CXCL13: variants seen among roughly 807,000 people sequenced by gnomAD.
The protein encoded by CXCL13 is C-X-C motif chemokine ligand 13.
Under a neutral mutation model 12.2 loss-of-function variants are expected in CXCL13, and 7 were observed. The ratio of observed to expected loss-of-function variants is 0.57; its 90% CI spans 0.33 to 1.07. The LOEUF (loss-of-function observed/expected upper bound fraction) is 1.07, where lower values mean the gene tolerates loss of function less well. CXCL13 is among the 50% of genes least tolerant of loss of function. CXCL13 has a pLI of 0.04. For synonymous variants in CXCL13, 47 were observed against 42.4 expected (o/e 1.11, Z -0.42); for missense variants, 113 against 127.4 (o/e 0.89, Z 0.55).
intron 1 of CXCL13, among the ~76,000 whole-genome samples, chr4:77,561,465 T>C (rs931376071): frequency 6.6e-6 from 1 of 152,240 alleles, no homozygotes; most frequent in Non-Finnish European, 1.5e-5. Flanking sequence ...CCAACAGTCC[T>C]GAAGGTGCTA....
At chr4:77,597,540 C>T (rs147465989) in intron 1 of CXCL13, among the ~76,000 whole-genome samples, 10 of 152,146 alleles carry the variant, frequency 6.6e-5, no homozygotes, top group Middle Eastern at 3.4e-3. Flanking sequence ...AGGAAGGGGC[C>T]GCCTTTTACA....
At chr4:77,574,574 C>G (rs978970109) in intron 1 of CXCL13, among the ~76,000 whole-genome samples, 2 of 151,876 alleles carry the variant, frequency 1.3e-5, no homozygotes, top group Non-Finnish European at 2.9e-5. Context: ...GCCAATATTT[C>G]TTTCTTCTTT....
intron 1 of CXCL13, among the ~76,000 whole-genome samples, chr4:77,545,246 A>G (rs1323898697): frequency 2.6e-5 from 4 of 152,088 alleles, no homozygotes; most frequent in Non-Finnish European, 5.9e-5. Context: ...TTTTGGTTCC[A>G]TATGAACTTT....
At chr4:77,587,188 C>T (rs1726494681) in intron 1 of CXCL13, among the ~76,000 whole-genome samples, 1 of 152,178 alleles carries the variant, frequency 6.6e-6, no homozygotes, top group African/African-American at 2.4e-5. Context: ...GTCTTACTTG[C>T]CGAACCAGTC....
chr4:77,596,896 G>A (rs1425880666), intron 1 of CXCL13, among the ~76,000 whole-genome samples: 7 of 152,124 alleles, frequency 4.6e-5, no homozygotes, highest in South Asian at 4.1e-4. Context: ...TAGCCAAGAC[G>A]TGGGAATGAC....
chr4:77,562,174 A>G (rs865858841), intron 1 of CXCL13, among the ~76,000 whole-genome samples: 1 of 17,538 alleles, frequency 5.7e-5, no homozygotes, highest in Non-Finnish European at 1.3e-4. Flanking sequence ...CGCTGCCCCC[A>G]CCCCCCCATC....
intron 1 of CXCL13, among the ~76,000 whole-genome samples, chr4:77,534,698 G>A (rs2109797042): frequency 6.6e-6 from 1 of 152,286 alleles, no homozygotes; most frequent in South Asian, 2.1e-4. Flanking sequence ...TTTCAAACAG[G>A]TGATACACAG....
At chr4:77,539,863 G>C (rs1725159095) in intron 1 of CXCL13, among the ~76,000 whole-genome samples, 1 of 152,072 alleles carries the variant, frequency 6.6e-6, no homozygotes, top group South Asian at 2.1e-4. Context: ...TGTGGTGGGG[G>C]TAGGGGGGGA....
At chr4:77,551,298 C>T (rs188437991) in intron 1 of CXCL13, among the ~76,000 whole-genome samples, 2 of 152,306 alleles carry the variant, frequency 1.3e-5, no homozygotes, top group East Asian at 3.9e-4. Flanking sequence ...TTGAGGCTCT[C>T]TTGAAGGTTG....
At chr4:77,605,493 G>C (rs775329723), upstream of CXCL13, among the ~76,000 whole-genome samples, 1 of 151,952 alleles carries the variant, frequency 6.6e-6, no homozygotes, top group Non-Finnish European at 1.5e-5. Context: ...GGCTCACCCT[G>C]CACTGAGAGA....
chr4:77,610,863 C>A, intron 3 of CXCL13, 125 bp from the exon 4 acceptor site: 3 of 931,482 alleles, frequency 3.2e-6, no homozygotes, highest in Non-Finnish European at 3.4e-6. Flanking sequence ...CTCATTCCAG[C>A]AGCTCAGTAA....
chr4:77,513,961 C>T lies in CXCL13; in HGVS notation c.-43+2173C>T, dbSNP rs183768866. 8.2e-4 allele frequency among the ~76,000 whole-genome samples: 125 copies of T among 152,254 alleles called. 2 individuals carry two copies. Among genetic ancestry groups the T allele is most frequent in the South Asian group, 6.0e-3 (29 of 4,826 alleles). The stretch of plus-strand genomic sequence containing the variant: ...CCAGTGCTATCGCTCCCCACTACCC[C>T]CACCCCACAACAGTCCCCAGAGTGT... On this transcript the variant is annotated intron_variant, in intron 1 of 4. Transcript: ENST00000286758.
Position 77,528,426 on chromosome 4 carries a change from T to C in CXCL13, c.-43+16638T>C, listed in dbSNP as rs868018441. ...AAAAGTGTTCCTATTTCTCCACATC[T>C]TCTCCAGCACCTGTTGTTTCCTGAC... On this transcript the variant is annotated intron_variant, in intron 1 of 4. Transcript: ENST00000286758. Among the ~76,000 whole-genome samples, 164 of 152,246 alleles carry C rather than the reference T, an allele frequency of 1.1e-3. 1 individual carries two copies. Among genetic ancestry groups the C allele is most frequent in the African/African-American group, 3.8e-3 (159 of 41,562 alleles).
chr4:77,518,615 G>A (rs527934106), intron 1 of CXCL13, among the ~76,000 whole-genome samples: 8 of 152,170 alleles, frequency 5.3e-5, no homozygotes, highest in Middle Eastern at 3.4e-3. Flanking sequence ...CATTCTTCAC[G>A]TCGTTCTCGA....
At chr4:77,604,075 T>C (rs552454898), upstream of CXCL13, among the ~76,000 whole-genome samples, 1 of 152,320 alleles carries the variant, frequency 6.6e-6, no homozygotes, top group Non-Finnish European at 1.5e-5. Flanking sequence ...AATAACTTGC[T>C]GGCCAGCGGC....
chr4:77,585,245 T>C (rs1726429537), intron 1 of CXCL13, among the ~76,000 whole-genome samples: 1 of 152,252 alleles, frequency 6.6e-6, no homozygotes, highest in Non-Finnish European at 1.5e-5. Flanking sequence ...CTTAGCATTC[T>C]GGTTATTTAA....
chr4:77,560,192 ATCACT>A (rs1283714756), intron 1 of CXCL13, among the ~76,000 whole-genome samples: 9 of 152,290 alleles, frequency 5.9e-5, no homozygotes, highest in African/African-American at 2.2e-4. Flanking sequence ...TCATTTAATC[ATCACT>A]TCAATTCTAT....
At chr4:77,609,326 G>C (rs58520114) in intron 2 of CXCL13, among the ~76,000 whole-genome samples, 8 of 150,322 alleles carry the variant, frequency 5.3e-5, no homozygotes, top group African/African-American at 2.0e-4. Context: ...GTTTTGTTTT[G>C]TTTTGAGACA....
chr4:77,550,055 C>G (rs1025588753), intron 1 of CXCL13, among the ~76,000 whole-genome samples: 1 of 152,234 alleles, frequency 6.6e-6, no homozygotes, highest in African/African-American at 2.4e-5. Context: ...ATGGCGGACA[C>G]CCCTCTCCCA....
Sources: allele counts gnomAD v4.1 joint callset (sites outside exome capture counted in the v4.1 genomes callset), GRCh38; gene constraint gnomAD v4.1.1; transcripts MANE v1.5; gene names NCBI Gene and HGNC (gene_info 2026-07-23, HGNC 2026-07-21).